Variants in ITK observed in about 807,000 individuals in gnomAD.
ITK encodes the protein IL2 inducible T cell kinase.
A neutral mutation model predicts 87.6 loss-of-function variants in ITK; 45 were observed. The observed-to-expected ratio is 0.51, with a 90% CI of 0.40 to 0.66. The LOEUF is 0.66. Among genes scored for constraint, ITK ranks in the 30% least tolerant of loss-of-function variants. ITK has a pLI of 0.00. For missense variants in ITK, 605 were observed against 766.3 expected, an observed-to-expected ratio of 0.79 and a Z score of 2.48; for synonymous variants, 303 against 273.6, an observed-to-expected ratio of 1.11 and a Z score of -1.06.
intron 1 of ITK, chr5:157,199,289 ACTG>A (rs1157171292): frequency 4.5e-4 from 69 of 151,830 alleles, no homozygotes; most frequent in Admixed American, 4.5e-3. Context: ...AAAGCTGAAA[ACTG>A]CTATTTTTTT....
At chr5:157,189,235 A>T (rs565985646) in intron 1 of ITK, among the ~76,000 whole-genome samples, 1 of 152,256 alleles carries the variant, frequency 6.6e-6, no homozygotes, top group African/African-American at 2.4e-5. Context: ...TTGTATTGAT[A>T]TTTTCTTTTC....
intron 8 of ITK, among the ~76,000 whole-genome samples, chr5:157,235,512 C>T (rs1213030618): frequency 6.6e-6 from 1 of 152,212 alleles, no homozygotes; most frequent in African/African-American, 2.4e-5. Context: ...TCTCTTCTGT[C>T]TTTACCCATC....
At chr5:157,217,804 A>C (rs1008048518) in intron 4 of ITK, 63 bp from the exon 5 acceptor site, 2 of 1,465,958 alleles carry the variant, frequency 1.4e-6, no homozygotes, top group African/African-American at 2.8e-5. Flanking sequence ...CTGGCTGCTC[A>C]CTTCCGGTTG....
intron 6 of ITK, among the ~76,000 whole-genome samples, chr5:157,225,335 G>T (rs1754509776): frequency 6.6e-6 from 1 of 152,070 alleles, no homozygotes; most frequent in East Asian, 1.9e-4. Context: ...TTAAGTCAGA[G>T]TATGTGATAT....
At chr5:157,226,480 CAG>C (rs1754533800) in intron 6 of ITK, among the ~76,000 whole-genome samples, 5 of 152,174 alleles carry the variant, frequency 3.3e-5, no homozygotes, top group Admixed American at 3.3e-4. Flanking sequence ...TGGCAAATTT[CAG>C]AATAAGCTGA....
At chr5:157,204,376 C>T (rs1372160110) in intron 1 of ITK, among the ~76,000 whole-genome samples, 2 of 152,050 alleles carry the variant, frequency 1.3e-5, no homozygotes, top group Admixed American at 6.5e-5. Flanking sequence ...CCCTGGGCAA[C>T]ATGGTGAAAC....
intron 8 of ITK, among the ~76,000 whole-genome samples, chr5:157,237,398 T>G (rs1754798461): frequency 1.3e-5 from 2 of 152,056 alleles, no homozygotes; most frequent in Admixed American, 6.6e-5. Context: ...GAATGGAGAG[T>G]GGCAAGGATA....
chr5:157,250,553 G>C (rs768467666), intron 16 of ITK, among the ~76,000 whole-genome samples: 12 of 150,858 alleles, frequency 8.0e-5, no homozygotes, highest in Non-Finnish European at 1.5e-4. Flanking sequence ...GTCTTACTCT[G>C]TTACCCAGGC....
chr5:157,185,379 C>T (rs115884314), intron 1 of ITK, among the ~76,000 whole-genome samples: 5,058 of 151,864 alleles, frequency 0.033, 273 homozygotes, highest in African/African-American at 0.11. Context: ...GCTGGAACTA[C>T]GGGTGCGCGC....
intron 1 of ITK, among the ~76,000 whole-genome samples, chr5:157,188,001 A>G (rs1006684176): frequency 6.6e-6 from 1 of 152,010 alleles, no homozygotes; most frequent in African/African-American, 2.4e-5. Context: ...GGGTCTCACT[A>G]TATTGCCCAG....
At chr5:157,240,521 G>C (rs777846634) in intron 10 of ITK, 32 of 403,110 alleles carry the variant, frequency 7.9e-5, no homozygotes, top group Non-Finnish European at 1.1e-4. Context: ...AAGCCAGAGG[G>C]CACCTGGGTT....
intron 9 of ITK, among the ~76,000 whole-genome samples, chr5:157,239,130 A>T (rs1321837292): frequency 6.6e-6 from 1 of 152,028 alleles, no homozygotes; most frequent in Non-Finnish European, 1.5e-5. Context: ...CGGAGAAGGG[A>T]TGAAACAAAG....
At chr5:157,247,145 T>G (rs971872163) in intron 15 of ITK, among the ~76,000 whole-genome samples, 4 of 152,208 alleles carry the variant, frequency 2.6e-5, no homozygotes, top group African/African-American at 7.2e-5. Context: ...GGGGGGAGTT[T>G]GGCTAGGTAA....
At chr5:157,204,148 C>T (rs1479865795) in intron 1 of ITK, among the ~76,000 whole-genome samples, 1 of 152,184 alleles carries the variant, frequency 6.6e-6, no homozygotes, top group Non-Finnish European at 1.5e-5. Context: ...GTAGCTGGGA[C>T]TACAGGTGCA....
intron 15 of ITK, 43 bp from the exon 16 acceptor site, chr5:157,248,807 T>C (rs763124115): frequency 1.2e-5 from 20 of 1,613,098 alleles, no homozygotes; most frequent in Middle Eastern, 1.7e-4. Context: ...TTGCTGTCTG[T>C]GGGCTTTGTC....
chr5:157,192,679 G>A (rs1395911621), intron 1 of ITK, among the ~76,000 whole-genome samples: 1 of 152,152 alleles, frequency 6.6e-6, no homozygotes, highest in African/African-American at 2.4e-5. Context: ...ATATAAAACA[G>A]AGAGAAGTGG....
chr5:157,221,193 G>A (rs1415210431), intron 5 of ITK, among the ~76,000 whole-genome samples: 1 of 151,920 alleles, frequency 6.6e-6, no homozygotes, highest in African/African-American at 2.4e-5. Context: ...TGCACTGGCA[G>A]GTAGGATCCA....
At chr5:157,244,556 A>T in intron 13 of ITK, 78 bp downstream of exon 13, 1 of 828,368 alleles carries the variant, frequency 1.2e-6, no homozygotes, top group Non-Finnish European at 2.1e-6. Context: ...GAACGCATTA[A>T]TAAATAATAC....
intron 1 of ITK, among the ~76,000 whole-genome samples, chr5:157,196,802 A>C (rs971185495): frequency 6.6e-6 from 1 of 152,212 alleles, no homozygotes. Context: ...CTGGTCCTTC[A>C]GTGCTTAAAA....
Sources: gnomAD v4.1 joint callset for allele counts (sites outside exome capture counted in the v4.1 genomes callset) on GRCh38, gnomAD v4.1.1 for gene constraint, MANE v1.5 for transcripts, NCBI Gene and HGNC (gene_info 2026-07-23, HGNC 2026-07-21) for gene names.